The following MBD5 variants were observed in gnomAD, a reference collection of about 807,000 sequenced individuals.
MBD5 encodes methyl-CpG binding domain protein 5.
MBD5 carries 13 observed loss-of-function variants against 117.3 expected under a neutral mutation model. That is an observed-to-expected ratio of 0.11 (90% CI 0.07 to 0.18). MBD5 has a LOEUF of 0.18. Ranked by LOEUF, MBD5 falls within the 10% of genes least tolerant of loss-of-function variation. MBD5 has a pLI of 1.00. For synonymous variants in MBD5, 727 were observed against 766.4 expected (o/e 0.95, Z 0.85); for missense variants, 1,879 against 2,093.8 (o/e 0.90, Z 2.00).
chr2:148,130,651 G>A (rs1697023295), intron 1 of MBD5, among the ~76,000 whole-genome samples: 1 of 152,026 alleles, frequency 6.6e-6, no homozygotes, highest in South Asian at 2.1e-4. Flanking sequence ...TCCTCATCAG[G>A]GGAGACATGC....
At position 148,469,460 on chromosome 2, in the gene MBD5, C is replaced by T. The variant is rs769055609; in HGVS notation, c.1517C>T (p.Ser506Leu). 3 of 1,613,914 alleles carry T rather than the reference C, an allele frequency of 1.9e-6. No individual in the cohort carries two copies. The highest frequency in any genetic ancestry group is 8.5e-7 in the Non-Finnish European group (1 of 1,179,934). The change falls in exon 8 of 14, where the codon TCA (serine) becomes TTA (leucine). Residue 506 changes from serine (S) to leucine (L), a missense_variant. This residue lies in a region of MBD5 where 1,666 missense variants were observed against 1,792.2 expected (regional missense o/e 0.93). Coordinates refer to ENST00000642680, the MANE Select transcript of MBD5 (RefSeq NM_001378120.1). Reference sequence around the variant, plus strand: ...GGGTCCCCAAGGCCATCAATGCCATCAAGCCCTTCTACCAAGTCCGATGGA... The same window carrying T: ...GGGTCCCCAAGGCCATCAATGCCATTAAGCCCTTCTACCAAGTCCGATGGA... ...TIGSPRPSMP[S>L]SPSTKSDGHH...
At chr2:148,228,743 C>CT (rs1699905038) in intron 2 of MBD5, among the ~76,000 whole-genome samples, 1 of 152,062 alleles carries the variant, frequency 6.6e-6, no homozygotes, top group Non-Finnish European at 1.5e-5. Flanking sequence ...TGGTCCTGGA[C>CT]TTTTTTTAAT....
chr2:148,095,729 GT>G (rs923930409), intron 1 of MBD5, among the ~76,000 whole-genome samples: 51 of 131,406 alleles, frequency 3.9e-4, no homozygotes, highest in South Asian at 4.4e-4. Flanking sequence ...TTCTGAGTTA[GT>G]TTTTTTTTTT....
At chr2:148,096,580 T>C (rs1696074793) in intron 1 of MBD5, among the ~76,000 whole-genome samples, 1 of 152,200 alleles carries the variant, frequency 6.6e-6, no homozygotes, top group Non-Finnish European at 1.5e-5. Flanking sequence ...CCATTGTGCT[T>C]TCCTTGGCTC....
intron 3 of MBD5, among the ~76,000 whole-genome samples, chr2:148,295,295 T>A (rs557117079): frequency 1.3e-5 from 2 of 152,322 alleles, no homozygotes; most frequent in African/African-American, 4.8e-5. Flanking sequence ...GTTCACTGAT[T>A]CTTTATTCTG....
At position 148,483,623 on chromosome 2, in the gene MBD5, C is replaced by G. The variant is rs1301463492; in HGVS notation, c.3032C>G (p.Thr1011Ser). The stretch of plus-strand genomic sequence containing the variant: ...CTTCCCCTGCCATCTTTCAATCTGA[C>G]CATCTCAGATCTTTTGCAACAGCAA... ...AMLPLPSFNL[T>S]ISDLLQQQNT... Residue 1011 changes from threonine (T) to serine (S), a missense_variant, in exon 9 of 14, where the codon ACC (threonine) becomes AGC (serine). Around this residue, in one of 4 missense-constraint regions of MBD5, gnomAD observed 1,666 missense variants for 1,792.2 expected, o/e 0.93. Transcript: ENST00000642680. The G allele has an allele frequency of 3.2e-5, 49 of 1,552,238 alleles. No homozygotes were observed. Among genetic ancestry groups the G allele is most frequent in the Non-Finnish European group, 4.2e-5 (48 of 1,147,662 alleles).
At chr2:148,187,500 A>G (rs186619101) in intron 2 of MBD5, among the ~76,000 whole-genome samples, 23 of 152,320 alleles carry the variant, frequency 1.5e-4, no homozygotes, top group Admixed American at 5.2e-4. Context: ...AAAGAAAACC[A>G]TACCAAAACA....
At chr2:148,080,075 CAA>C (rs1382368305) in intron 1 of MBD5, among the ~76,000 whole-genome samples, 1 of 152,022 alleles carries the variant, frequency 6.6e-6, no homozygotes, top group African/African-American at 2.4e-5. Context: ...TCGAAACAAA[CAA>C]GAACAATAGA....
chr2:148,070,681 A>G (rs187189105), intron 1 of MBD5, among the ~76,000 whole-genome samples: 37 of 152,268 alleles, frequency 2.4e-4, no homozygotes, highest in Admixed American at 2.1e-3. Flanking sequence ...GGCACATTTT[A>G]GGTTTTTAGA....
At chr2:148,413,363 G>A (rs1340464668) in intron 4 of MBD5, among the ~76,000 whole-genome samples, 1 of 152,028 alleles carries the variant, frequency 6.6e-6, no homozygotes, top group Non-Finnish European at 1.5e-5. Context: ...AATTCAGTTT[G>A]CTAGGATTTT....
In MBD5 at chr2:148,458,874, A is replaced by G. The variant is rs769792243; in HGVS notation, c.113+3A>G. The G allele has an allele frequency of 1.9e-6, 3 of 1,610,352 alleles. No homozygotes were observed. The highest frequency in any genetic ancestry group is 2.5e-6 in the Non-Finnish European group (3 of 1,177,084). On this transcript the variant is annotated splice_donor_region_variant and intron_variant, in intron 5 of 13. Transcript: ENST00000642680. Reference sequence around the variant, plus strand: ...CAAAATGGAGTGCTTTATGTCAGGTAAGTTCTTATTATTACCTGTGGTACC... The same window carrying G: ...CAAAATGGAGTGCTTTATGTCAGGTGAGTTCTTATTATTACCTGTGGTACC...
At chr2:148,443,250 G>T (rs1265734282) in intron 4 of MBD5, among the ~76,000 whole-genome samples, 1 of 151,002 alleles carries the variant, frequency 6.6e-6, no homozygotes, top group Non-Finnish European at 1.5e-5. Context: ...AATGAATGCT[G>T]GTGATGATAT....
chr2:148,144,754 T>C (rs1697407493), intron 1 of MBD5, among the ~76,000 whole-genome samples: 1 of 152,150 alleles, frequency 6.6e-6, no homozygotes. Flanking sequence ...GATTAGATGG[T>C]TGTAGATGTG....
intron 2 of MBD5, among the ~76,000 whole-genome samples, chr2:148,232,626 C>A (rs954721913): frequency 6.9e-6 from 1 of 145,702 alleles, no homozygotes; most frequent in Non-Finnish European, 1.5e-5. Flanking sequence ...GTATAGCATG[C>A]AATACCATAT....
At chr2:148,510,369 G>T (rs960223279) in intron 13 of MBD5, among the ~76,000 whole-genome samples, 1 of 152,158 alleles carries the variant, frequency 6.6e-6, no homozygotes, top group South Asian at 2.1e-4. Flanking sequence ...GCCACATAAC[G>T]TTCGTTTAAA....
intron 11 of MBD5, among the ~76,000 whole-genome samples, chr2:148,498,917 C>T (rs572577041): frequency 1.4e-4 from 21 of 152,102 alleles, no homozygotes; most frequent in Non-Finnish European, 2.4e-4. Context: ...TGTTTCTATC[C>T]GCACTGAACA....
chr2:148,313,016 C>T (rs558550301), intron 3 of MBD5, among the ~76,000 whole-genome samples: 2 of 152,272 alleles, frequency 1.3e-5, no homozygotes, highest in South Asian at 4.1e-4. Context: ...CTGTTCCTTC[C>T]TCTGGAAGGT....
At chr2:148,053,038 T>C (rs1694765020) in intron 1 of MBD5, among the ~76,000 whole-genome samples, 1 of 151,902 alleles carries the variant, frequency 6.6e-6, no homozygotes, top group South Asian at 2.1e-4. Flanking sequence ...TGTCTATTAG[T>C]TTCTAGGATT....
chr2:148,274,562 G>T (rs1326375242), intron 3 of MBD5, among the ~76,000 whole-genome samples: 1 of 152,038 alleles, frequency 6.6e-6, no homozygotes, highest in Non-Finnish European at 1.5e-5. Flanking sequence ...AAAACATTTT[G>T]CATTTCTTAA....
Sources: gnomAD v4.1 joint callset for allele counts (sites outside exome capture counted in the v4.1 genomes callset) on GRCh38, gnomAD v4.1.1 for gene constraint, gnomAD v4.1.1 regional missense constraint, MANE v1.5 for transcripts, NCBI Gene and HGNC (gene_info 2026-07-23, HGNC 2026-07-21) for gene names.